Variants in SERPINE2 observed in about 807,000 individuals in gnomAD.
The protein encoded by SERPINE2 is glia-derived nexin.
A neutral mutation model predicts 36.3 loss-of-function variants in SERPINE2; 14 were observed. The ratio of observed to expected loss-of-function variants is 0.39; its 90% CI spans 0.25 to 0.60. The LOEUF is 0.60. Ranked by LOEUF, SERPINE2 falls within the 20% of genes least tolerant of loss-of-function variation. The probability of loss-of-function intolerance (pLI) is 0.57; values close to 1 mark genes in which losing one functional copy is unlikely to be tolerated. For synonymous variants in SERPINE2, 192 were observed against 191.8 expected, an observed-to-expected ratio of 1.00 and a Z score of -0.01; for missense variants, 418 against 499.6, an observed-to-expected ratio of 0.84 and a Z score of 1.56.
At chr2:224,007,922 A>G (rs1315959151) in intron 1 of SERPINE2, among the ~76,000 whole-genome samples, 2 of 152,232 alleles carry the variant, frequency 1.3e-5, no homozygotes, top group East Asian at 3.8e-4. Context: ...GGGGTCTGCA[A>G]GCTACGGCCC....
intron 6 of SERPINE2, 149 bp downstream of exon 6, chr2:223,982,532 C>A: frequency 1.1e-5 from 5 of 472,452 alleles, no homozygotes; most frequent in South Asian, 4.0e-5. Flanking sequence ...AAACGAAGGC[C>A]AATAGCATAA....
chr2:224,036,871 AAAGT>A (rs1212923742), intron 1 of SERPINE2, among the ~76,000 whole-genome samples: 1 of 151,960 alleles, frequency 6.6e-6, no homozygotes, highest in African/African-American at 2.4e-5. Context: ...ACTGAAGATA[AAAGT>A]AAGAAAAGGG....
At chr2:223,988,183 T>G (rs1690513566) in intron 4 of SERPINE2, among the ~76,000 whole-genome samples, 1 of 152,098 alleles carries the variant, frequency 6.6e-6, no homozygotes, top group Admixed American at 6.6e-5. Flanking sequence ...ATATATTTAT[T>G]TACTGAGACA....
At chr2:224,016,984 G>A (rs540701647) in intron 1 of SERPINE2, among the ~76,000 whole-genome samples, 2 of 152,294 alleles carry the variant, frequency 1.3e-5, no homozygotes, top group East Asian at 1.9e-4. Flanking sequence ...AGAGGGAAAG[G>A]GATGTGTGTG....
intron 1 of SERPINE2, among the ~76,000 whole-genome samples, chr2:224,009,167 C>T (rs1054874609): frequency 5.3e-5 from 8 of 152,088 alleles, no homozygotes; most frequent in Admixed American, 4.6e-4. Context: ...GGTGAGTCCC[C>T]GGATTTATCT....
At chr2:223,987,973 A>G (rs1406789777) in intron 4 of SERPINE2, among the ~76,000 whole-genome samples, 1 of 152,236 alleles carries the variant, frequency 6.6e-6, no homozygotes, top group Non-Finnish European at 1.5e-5. Context: ...GCACTTTAGT[A>G]GAAATTGAAA....
chr2:223,998,250 T>A lies in SERPINE2; in HGVS notation c.352A>T (p.Asn118Tyr), dbSNP rs1450184748. The change falls in exon 3 of 9, where the codon AAT (asparagine) becomes TAT (tyrosine). Residue 118 changes from asparagine (N) to tyrosine (Y), a missense_variant. Asn to Tyr is a moderately radical substitution (Grantham distance 143). Transcript: ENST00000409304. ...VTVANAVFVK[N>Y]ASEIEVPFVT... ...AAAGGCACTTCAATTTCAGAGGCAT[T>A]CTTAACAAACACGGCGTTAGCCACT... 1.4e-5 allele frequency: 23 copies of A among 1,614,196 alleles called. No homozygotes were observed. Among genetic ancestry groups the A allele is most frequent in the Non-Finnish European group, 1.9e-5 (23 of 1,179,998 alleles).
chr2:224,031,752 A>ACCCCCCCCCCCCCCCCCCCCCCCCCCCC (rs199826291), intron 1 of SERPINE2, among the ~76,000 whole-genome samples: 1 of 104,540 alleles, frequency 9.6e-6, no homozygotes, highest in African/African-American at 4.2e-5. Context: ...TAGGATTTCC[A>ACCCCCCCCCCCCCCCCCCCCCCCCCCCC]CCCCCCACCC....
chr2:223,997,774 G>A (rs6715768), intron 3 of SERPINE2, among the ~76,000 whole-genome samples: 40,030 of 152,072 alleles, frequency 0.26, 6,400 homozygotes, highest in African/African-American at 0.45. Flanking sequence ...AAAGGGAGAG[G>A]CAGATGCAAA....
At chr2:223,983,797 T>C (rs369911443) in intron 5 of SERPINE2, among the ~76,000 whole-genome samples, 1 of 151,150 alleles carries the variant, frequency 6.6e-6, no homozygotes, top group Admixed American at 6.6e-5. Flanking sequence ...GAGGATGCTT[T>C]ATCAGATTTG....
In SERPINE2 at chr2:223,992,681, T is replaced by TC. The variant is rs1690723233; in HGVS notation, c.488-682dup. Among the ~76,000 whole-genome samples, 5 of 152,306 alleles carry TC rather than the reference T, an allele frequency of 3.3e-5. No homozygotes were observed. In the South Asian group the frequency reaches 1.0e-3, roughly 32 times the overall value. Reference sequence around the variant, plus strand: ...CAACAGAAGAGAGGATTTTGAATGTTCCCACCATAAAGAAATGAGAAACGT... The same window carrying TC: ...CAACAGAAGAGAGGATTTTGAATGTTCCCCACCATAAAGAAATGAGAAACGT... On this transcript the variant is annotated intron_variant, in intron 3 of 8. Coordinates refer to ENST00000409304, the MANE Select transcript of SERPINE2 (RefSeq NM_001136528.2).
chr2:224,004,679 G>A (rs1248599763), intron 1 of SERPINE2, among the ~76,000 whole-genome samples: 1 of 151,776 alleles, frequency 6.6e-6, no homozygotes, highest in Admixed American at 6.6e-5. Context: ...TTTCTTTTGA[G>A]CAATAAATAT....
intron 4 of SERPINE2, among the ~76,000 whole-genome samples, chr2:223,987,897 C>T (rs1035887106): frequency 1.3e-5 from 2 of 152,130 alleles, no homozygotes; most frequent in Non-Finnish European, 2.9e-5. Flanking sequence ...AGATGAAAGT[C>T]CCTCTAATTA....
At chr2:223,989,552 C>T (rs1690569045) in intron 4 of SERPINE2, among the ~76,000 whole-genome samples, 1 of 152,174 alleles carries the variant, frequency 6.6e-6, no homozygotes, top group South Asian at 2.1e-4. Context: ...TTCTTCACAG[C>T]CCTGTCAAGA....
intron 1 of SERPINE2, chr2:224,030,621 G>A (rs75490420): frequency 0.067 from 10,204 of 152,390 alleles, 485 homozygotes; most frequent in South Asian, 0.11. Context: ...ACCAAAGCCC[G>A]CTGGCCTCCA....
intron 1 of SERPINE2, among the ~76,000 whole-genome samples, chr2:224,014,283 G>T (rs1251829683): frequency 1.3e-5 from 2 of 152,062 alleles, no homozygotes; most frequent in East Asian, 3.9e-4. Context: ...GCTGAGGCAG[G>T]GGAATCACTA....
intron 4 of SERPINE2, among the ~76,000 whole-genome samples, chr2:223,989,767 T>G (rs780729697): frequency 2.6e-5 from 4 of 152,082 alleles, no homozygotes; most frequent in Non-Finnish European, 5.9e-5. Flanking sequence ...TGTGAGGGAA[T>G]GAGAACAGGA....
chr2:224,014,421 G>C (rs904440158), intron 1 of SERPINE2, among the ~76,000 whole-genome samples: 3 of 152,144 alleles, frequency 2.0e-5, no homozygotes, highest in Non-Finnish European at 4.4e-5. Context: ...AGAACCACTA[G>C]GTAAATTGGT....
At position 224,001,892 on chromosome 2, in the gene SERPINE2, C is replaced by G. The variant is rs750680619; in HGVS notation, c.9G>C (p.Trp3Cys). Residue 3 changes from tryptophan (W) to cysteine (C), a missense_variant, in exon 2 of 9, where the codon TGG becomes TGC. By Grantham distance (215) the Trp-to-Cys change is radical (BLOSUM62 -2). Transcript: ENST00000409304. ...AGGCCAAGAGGAAGAGGGGGAGATGCCAGTTCATGGTTCCTTCCACCAAGG... is the reference window on the plus strand; with the variant it reads ...AGGCCAAGAGGAAGAGGGGGAGATGGCAGTTCATGGTTCCTTCCACCAAGG... MNWHLPLFLLASV... is the reference protein window; with the variant it reads MNCHLPLFLLASV... 1 of 1,612,400 alleles carries G rather than the reference C, an allele frequency of 6.2e-7. No homozygotes were observed.
Sources: allele counts gnomAD v4.1 joint callset (sites outside exome capture counted in the v4.1 genomes callset), GRCh38; gene constraint gnomAD v4.1.1; transcripts MANE v1.5; gene names NCBI Gene and HGNC (gene_info 2026-07-23, HGNC 2026-07-21).